The following LRP2 variants were observed in gnomAD, a reference collection of about 807,000 sequenced individuals.
LRP2 encodes LDL receptor related protein 2.
A neutral mutation model predicts 531.0 loss-of-function variants in LRP2; 172 were observed. That is an observed-to-expected ratio of 0.32 (90% CI 0.29 to 0.37). The LOEUF (loss-of-function observed/expected upper bound fraction) is 0.37, where lower values mean the gene tolerates loss of function less well. LRP2 is among the 10% of genes least tolerant of loss of function. The pLI, the probability that LRP2 is intolerant of heterozygous loss-of-function variation, is 1.00. For missense variants in LRP2, 5,167 were observed against 5,868.3 expected (o/e 0.88, Z 3.90); for synonymous variants, 1,992 against 2,027.6 (o/e 0.98, Z 0.47).
chr2:169,245,000 A>G lies in LRP2; in HGVS notation c.3191-68T>C. The G allele has an allele frequency of 1.6e-5, 25 of 1,577,710 alleles. 1 individual carries two copies. The South Asian group carries it at 2.7e-4, about 17-fold the overall frequency. ...AGCCTTTTAAATGAGTTCTTGCCTT[A>G]TAAAGGCTCAGTTCACCTTTTTTAA... On this transcript the variant is annotated intron_variant, in intron 21 of 78. Coordinates refer to ENST00000649046, the MANE Select transcript of LRP2 (RefSeq NM_004525.3).
At chr2:169,309,258 T>G (rs1303653485) in intron 3 of LRP2, among the ~76,000 whole-genome samples, 1 of 152,230 alleles carries the variant, frequency 6.6e-6, no homozygotes, top group Non-Finnish European at 1.5e-5. Flanking sequence ...TTGGCTTTTG[T>G]TACCATTGCT....
Position 169,185,490 on chromosome 2 carries a change from A to C in LRP2, c.9845+13T>G. The C allele has an allele frequency of 6.2e-7, 1 of 1,612,464 alleles. No individual in the cohort carries two copies. The highest frequency in any genetic ancestry group is 1.1e-5 in the South Asian group (1 of 91,046). ...ATTTTTAACTTTTAAAAAGCTCATC[A>C]GTGTTTTCTTACCTGGAAACCCAGT... On this transcript the variant is annotated intron_variant, in intron 50 of 78. Transcript: ENST00000649046.
intron 56 of LRP2, 141 bp from the exon 57 acceptor site, chr2:169,173,365 A>C: frequency 1.0e-6 from 1 of 982,620 alleles, no homozygotes; most frequent in Non-Finnish European, 1.6e-6. Context: ...TGTCTGTTTT[A>C]GATGTGATCT....
chr2:169,138,520 A>C, intron 75 of LRP2, 57 bp downstream of exon 75: 1 of 1,592,610 alleles, frequency 6.3e-7, no homozygotes, highest in Non-Finnish European at 8.6e-7. Flanking sequence ...TTCTTTATAA[A>C]AAGTATTTAT....
rs1253048958 is a variant in LRP2 at position 169,258,743 on chromosome 2, A to G, written c.2513+282T>C. Among the ~76,000 whole-genome samples, 4 of 152,226 alleles carry G rather than the reference A, an allele frequency of 2.6e-5. No individual in the cohort carries two copies. In the East Asian group the frequency reaches 7.8e-4, roughly 30 times the overall value. ...TTCACTCCTTTTCTACTGAATCTAT[A>G]TCACATTGTTTGGTCCTCTGCAACT... is the stretch of plus-strand genomic sequence containing the variant. On this transcript the variant is annotated intron_variant, in intron 17 of 78. Transcript: ENST00000649046.
chr2:169,131,254 AGTGTGTGTGT>A (rs3835382), intron 77 of LRP2, among the ~76,000 whole-genome samples: 159 of 148,638 alleles, frequency 1.1e-3, no homozygotes, highest in East Asian at 7.6e-3. Context: ...TGAGTGTATG[AGTGTGTGTGT>A]GTGTGTGTGT....
At chr2:169,262,452 C>G (rs1205628198) in intron 16 of LRP2, among the ~76,000 whole-genome samples, 1 of 121,636 alleles carries the variant, frequency 8.2e-6, no homozygotes, top group Non-Finnish European at 1.8e-5. Context: ...ACACCAATAA[C>G]AGACAAACAG....
At chr2:169,297,978 C>A (rs1387384105) in intron 4 of LRP2, among the ~76,000 whole-genome samples, 1 of 151,946 alleles carries the variant, frequency 6.6e-6, no homozygotes, top group African/African-American at 2.4e-5. Context: ...GGGAAACACA[C>A]ACACACACAC....
intron 1 of LRP2, among the ~76,000 whole-genome samples, chr2:169,331,559 T>C (rs1434038785): frequency 6.6e-6 from 1 of 152,194 alleles, no homozygotes; most frequent in Non-Finnish European, 1.5e-5. Flanking sequence ...TTTCTTCTCC[T>C]CTGGCCCCAA....
chr2:169,265,758 T>C (rs1690773899), intron 16 of LRP2, among the ~76,000 whole-genome samples: 1 of 152,004 alleles, frequency 6.6e-6, no homozygotes, highest in African/African-American at 2.4e-5. Flanking sequence ...AGCTATCATG[T>C]AACTTGTTTC....
At position 169,246,684 on chromosome 2, in the gene LRP2, C is replaced by T. The variant is rs370943690; in HGVS notation, c.3190+21G>A. The T allele has an allele frequency of 3.0e-5, 49 of 1,613,718 alleles. No individual in the cohort carries two copies. The Middle Eastern group carries it at 4.9e-4, about 16-fold the overall frequency. On this transcript the variant is annotated intron_variant, in intron 21 of 78. Coordinates refer to ENST00000649046, the MANE Select transcript of LRP2 (RefSeq NM_004525.3). ...CTACTCTATTCATCCCAGGAAATATCGCCAGTGCATAGCTACTTACTAAGT... is the reference window on the plus strand; with the variant it reads ...CTACTCTATTCATCCCAGGAAATATTGCCAGTGCATAGCTACTTACTAAGT...
intron 1 of LRP2, among the ~76,000 whole-genome samples, chr2:169,326,907 G>A (rs550642122): frequency 1.5e-5 from 2 of 135,726 alleles, no homozygotes; most frequent in South Asian, 2.4e-4. Context: ...GCCCGGCGGC[G>A]ACCCCGTCTG....
intron 63 of LRP2, among the ~76,000 whole-genome samples, chr2:169,159,838 C>T (rs115084491): frequency 1.3e-4 from 20 of 152,256 alleles, no homozygotes; most frequent in Non-Finnish European, 2.9e-4. Flanking sequence ...GCTCTGAAAT[C>T]TATAAAGGGA....
intron 6 of LRP2, among the ~76,000 whole-genome samples, chr2:169,292,958 A>G (rs1030306725): frequency 4.6e-5 from 7 of 152,190 alleles, no homozygotes; most frequent in Non-Finnish European, 8.8e-5. Context: ...ACTTTACTAC[A>G]AGCTCCGTAA....
intron 44 of LRP2, 53 bp downstream of exon 44, chr2:169,201,575 G>A (rs1042737757): frequency 1.2e-6 from 2 of 1,611,686 alleles, no homozygotes; most frequent in Non-Finnish European, 1.7e-6. Context: ...TTCATCTCCT[G>A]TGATCCAAGA....
intron 61 of LRP2, among the ~76,000 whole-genome samples, chr2:169,168,309 A>T (rs1485073755): frequency 6.6e-6 from 1 of 151,872 alleles, no homozygotes; most frequent in African/African-American, 2.4e-5. Context: ...CCTTAAAGAC[A>T]TTGTTTTCTA....
chr2:169,166,194 C>T (rs1686776647), intron 61 of LRP2, 140 bp from the exon 62 acceptor site: 1 of 814,946 alleles, frequency 1.2e-6, no homozygotes, highest in Non-Finnish European at 2.0e-6. Flanking sequence ...TCAGCAGATA[C>T]ACCTTACATG....
rs762925787 is a variant in LRP2, at chr2:169,318,881, A to T, written c.191T>A (p.Val64Asp). The T allele has an allele frequency of 6.2e-7, 1 of 1,614,120 alleles. No individual in the cohort carries two copies. The highest frequency in any genetic ancestry group is 8.5e-7 in the Non-Finnish European group (1 of 1,179,988). ...GAAATAGCCCTGCTGGCAGGTCACA[A>T]CAGCTAAAACAAACCAAAAGAGGAC... ...SDDADEIGCAVVTCQQGYFKC... is the reference protein window; with the variant it reads ...SDDADEIGCADVTCQQGYFKC... Residue 64 changes from valine to aspartate, a missense_variant, in exon 3 of 79, where the codon GTT (valine) becomes GAT (aspartate). By Grantham distance (152) the Val-to-Asp change is radical. This residue lies in a region of LRP2 where 2,811 missense variants were observed against 3,058.0 expected (regional missense o/e 0.92). Transcript: ENST00000649046.
chr2:169,142,586 G>T, intron 71 of LRP2, 88 bp downstream of exon 71: 1 of 1,578,740 alleles, frequency 6.3e-7, no homozygotes, highest in Non-Finnish European at 8.7e-7. Flanking sequence ...CTGCTGCAAA[G>T]GACCCAGCAT....
Sources: allele counts gnomAD v4.1 joint callset (sites outside exome capture counted in the v4.1 genomes callset), GRCh38; gene constraint gnomAD v4.1.1; regional missense constraint gnomAD v4.1.1; transcripts MANE v1.5; gene names NCBI Gene and HGNC (gene_info 2026-07-23, HGNC 2026-07-21).